The following FBLN1 variants were observed in gnomAD, a reference collection of about 807,000 sequenced individuals.
FBLN1 encodes fibulin-1.
FBLN1 carries 34 observed loss-of-function variants against 89.7 expected under a neutral mutation model. The ratio of observed to expected loss-of-function variants is 0.38; its 90% CI spans 0.29 to 0.50. The LOEUF is 0.50. Ranked by LOEUF, FBLN1 falls within the 20% of genes least tolerant of loss-of-function variation. The pLI is 0.92. For missense variants in FBLN1, 777 were observed against 988.1 expected (o/e 0.79, Z 2.86); for synonymous variants, 393 against 391.3 (o/e 1.00, Z -0.05).
rs115448846 is a variant in FBLN1 at position 45,558,033 on chromosome 22, T to A, written c.1697+7418T>A. The A allele has an allele frequency of 4.3e-3, 3,056 of 715,522 alleles. 12 individuals carry two copies. The highest frequency in any genetic ancestry group is 6.8e-3 in the Non-Finnish European group (2,616 of 384,470). The allele number at this position is 715,522 out of a possible 1,614,324, so 44.3% of individuals were successfully genotyped here. ...GGTGCCTGCATATCGTGCAGAATGA[T>A]CTGTGAACCAGGCCCTAGTCTTCTC... On this transcript the variant is annotated intron_variant, in intron 14 of 16. Coordinates refer to ENST00000327858, the MANE Select transcript of FBLN1 (RefSeq NM_006486.3).
Position 45,577,466 on chromosome 22 carries a change from A to C in FBLN1, c.1972+358A>C, listed in dbSNP as rs2089007582. Reference sequence around the variant, plus strand: ...AAGTGCTTGTCCTGAGGGCTGGCACAGTCCCGCGGTCGGTGGGAGCTAAGG... The same window carrying C: ...AAGTGCTTGTCCTGAGGGCTGGCACCGTCCCGCGGTCGGTGGGAGCTAAGG... On this transcript the variant is annotated intron_variant, in intron 16 of 16. Transcript: ENST00000327858. The surrounding 1 kb of genome is among the most constrained non-coding windows in gnomAD (Gnocchi z 6.6). Among the ~76,000 whole-genome samples, 1 of 152,234 alleles carries C rather than the reference A, an allele frequency of 6.6e-6. No individual in the cohort carries two copies.
At chr22:45,517,732 GT>G (rs1269190627) in intron 1 of FBLN1, 1 of 429,256 alleles carries the variant, frequency 2.3e-6, no homozygotes, top group African/African-American at 2.1e-5. Context: ...ACCAGCCTCG[GT>G]TTCCTCAATC....
At position 45,600,178 on chromosome 22, in the gene FBLN1, G is replaced by A. The variant is rs758292501; in HGVS notation, c.1973-129G>A. The stretch of plus-strand genomic sequence containing the variant: ...TATTCAGGGGACTCGAGCATCTGGC[G>A]TAGGATGGGACTCCATGAGGTCTAT... On this transcript the variant is annotated intron_variant, in intron 16 of 16. Coordinates refer to ENST00000327858, the MANE Select transcript of FBLN1 (RefSeq NM_006486.3). 54 of 1,089,846 alleles carry A rather than the reference G, an allele frequency of 5.0e-5. 1 individual carries two copies. Among genetic ancestry groups the A allele is most frequent in the South Asian group, 2.3e-4 (18 of 78,510 alleles). 67.5% of individuals were successfully genotyped at this position (1,089,846 alleles called of 1,614,324 possible).
At position 45,506,627 on chromosome 22, in the gene FBLN1, G is replaced by T. The variant is rs562428738; in HGVS notation, c.79+3563G>T. Reference sequence around the variant, plus strand: ...GGGCTGGGAGGATGGGGGAAAGGGTGTTCCTGGCAGGGGAAATGGCAGGGC... The same window carrying T: ...GGGCTGGGAGGATGGGGGAAAGGGTTTTCCTGGCAGGGGAAATGGCAGGGC... On this transcript the variant is annotated intron_variant, in intron 1 of 16. Transcript: ENST00000327858. Among the ~76,000 whole-genome samples the T allele has an allele frequency of 2.0e-5, 3 of 152,326 alleles. No homozygotes were observed. In the East Asian group the frequency reaches 5.8e-4, roughly 29 times the overall value.
In FBLN1 at chr22:45,575,623, A is replaced by AGC. The variant is rs2088990562; in HGVS notation, c.1840+970_1840+971insGC. Among the ~76,000 whole-genome samples, 3 of 152,234 alleles carry AGC rather than the reference A, an allele frequency of 2.0e-5. No homozygotes were observed. The South Asian group carries it at 6.2e-4, about 32-fold the overall frequency. On this transcript the variant is annotated intron_variant, in intron 15 of 16. Coordinates refer to ENST00000327858, the MANE Select transcript of FBLN1 (RefSeq NM_006486.3). This position sits in a 1 kb window ranked among gnomAD's most constrained non-coding sequence, Gnocchi z 6.3. ...GACGGGGAGCAGGAAGCTCAGGTGTAACCCAGTCAGTGCTCCCACACCCCA... is the reference window on the plus strand; with the variant it reads ...GACGGGGAGCAGGAAGCTCAGGTGTAGCACCCAGTCAGTGCTCCCACACCCCA...
chr22:45,533,284 C>A, intron 6 of FBLN1, 120 bp downstream of exon 6: 2 of 907,466 alleles, frequency 2.2e-6, no homozygotes. Context: ...GGGTGGAGAG[C>A]AGCCCAGGAC....
chr22:45,546,004 C>T (rs536256321), intron 11 of FBLN1, among the ~76,000 whole-genome samples: 16 of 151,938 alleles, frequency 1.1e-4, no homozygotes, highest in African/African-American at 1.9e-4. Context: ...AAAAATTAGC[C>T]GGGCATGGTG....
Position 45,533,036 on chromosome 22 carries a change from C to G in FBLN1, c.545-27C>G. 3 of 1,601,926 alleles carry G rather than the reference C, an allele frequency of 1.9e-6. No homozygotes were observed. In the South Asian group the frequency reaches 3.3e-5, roughly 18 times the overall value. On this transcript the variant is annotated intron_variant, in intron 5 of 16. Coordinates refer to ENST00000327858, the MANE Select transcript of FBLN1 (RefSeq NM_006486.3). Reference sequence around the variant, plus strand: ...CAGGCGGTGCCTGGGTGCGTCCATCCCTGGCTCATGCACGCTGTGCTTCCA... The same window carrying G: ...CAGGCGGTGCCTGGGTGCGTCCATCGCTGGCTCATGCACGCTGTGCTTCCA...
At chr22:45,540,720 G>A (rs755409044) in intron 8 of FBLN1, among the ~76,000 whole-genome samples, 8 of 152,274 alleles carry the variant, frequency 5.3e-5, no homozygotes, top group Admixed American at 3.9e-4. Context: ...AATGCCCCAC[G>A]GTCCCCATGT....
At chr22:45,593,166 C>G (rs371634421) in intron 16 of FBLN1, among the ~76,000 whole-genome samples, 1 of 145,680 alleles carries the variant, frequency 6.9e-6, no homozygotes, top group Non-Finnish European at 1.5e-5. Context: ...ACCCCCCCCA[C>G]CCCCCGCCAC....
At position 45,545,093 on chromosome 22, in the gene FBLN1, GGA is replaced by G. The variant is rs2088609556; in HGVS notation, c.1321+1568_1321+1569del. Among the ~76,000 whole-genome samples, 1 of 152,204 alleles carries G rather than the reference GGA, an allele frequency of 6.6e-6. No individual in the cohort carries two copies. Among genetic ancestry groups the G allele is most frequent in the African/African-American group, 2.4e-5 (1 of 41,446 alleles). ...TCCTGATGAGATGGTCGCAGGGGTT[GGA>G]TATGCCACAGTGAGCTGTGGTGTGC... On this transcript the variant is annotated intron_variant, in intron 11 of 16. Transcript: ENST00000327858. This position sits in a 1 kb window ranked among gnomAD's most constrained non-coding sequence, Gnocchi z 5.9.
At chr22:45,589,237 A>G (rs1248140518) in intron 16 of FBLN1, among the ~76,000 whole-genome samples, 1 of 152,062 alleles carries the variant, frequency 6.6e-6, no homozygotes, top group African/African-American at 2.4e-5. Flanking sequence ...AGGAGCTTCC[A>G]GGCTCAGGTG....
intron 14 of FBLN1, among the ~76,000 whole-genome samples, chr22:45,555,148 G>A (rs9614706): frequency 4.4e-5 from 6 of 135,228 alleles, no homozygotes; most frequent in South Asian, 2.3e-4. Context: ...GGACCCGTCC[G>A]TGTCTCCACC....
rs1487976581 is a variant in FBLN1 at position 45,549,086 on chromosome 22, A to C, written c.1573+342A>C. ...GGAAGATGCCCGCCAGGGAGGAAGC[A>C]GTCCAGGCCAGGGGATGGCGTGGCC... On this transcript the variant is annotated intron_variant, in intron 13 of 16. Coordinates refer to ENST00000327858, the MANE Select transcript of FBLN1 (RefSeq NM_006486.3). The surrounding 1 kb of genome is among the most constrained non-coding windows in gnomAD (Gnocchi z 5.7). 6.6e-6 allele frequency among the ~76,000 whole-genome samples: 1 copy of C among 152,196 alleles called. No individual in the cohort carries two copies. The highest frequency in any genetic ancestry group is 1.5e-5 in the Non-Finnish European group (1 of 68,032).
rs569470950 is a variant in FBLN1, at chr22:45,549,677, T to A, written c.1574-815T>A. On this transcript the variant is annotated intron_variant, in intron 13 of 16. Transcript: ENST00000327858. This position sits in a 1 kb window ranked among gnomAD's most constrained non-coding sequence, Gnocchi z 5.7. ...GGGCCTTTGAGGCTGGGGAGTGTTG[T>A]TTTTGCCACCGATGCTCAGGCATTT... Among the ~76,000 whole-genome samples, 29 of 152,264 alleles carry A rather than the reference T, an allele frequency of 1.9e-4. No homozygotes were observed. The highest frequency in any genetic ancestry group is 7.0e-4 in the African/African-American group (29 of 41,550).
rs879213611 is a variant in FBLN1 at position 45,600,832 on chromosome 22, C to CTT, written c.*400_*401dup. On this transcript the variant is annotated 3_prime_UTR_variant, in exon 17 of 17. Coordinates refer to ENST00000327858, the MANE Select transcript of FBLN1 (RefSeq NM_006486.3). ...TTGTATGAAATTTGACATTTTGGCA[C>CTT]TTTTTTTTTTTTTTTGGCCAATCAG... The CTT allele has an allele frequency of 2.7e-3, 671 of 253,140 alleles. No homozygotes were observed. The highest frequency in any genetic ancestry group is 5.1e-3 in the South Asian group (120 of 23,648). 15.7% of individuals were successfully genotyped at this position (253,140 alleles called of 1,614,324 possible).
At chr22:45,589,093 TA>T (rs2089113661) in intron 16 of FBLN1, among the ~76,000 whole-genome samples, 2 of 146,188 alleles carry the variant, frequency 1.4e-5, no homozygotes, top group Non-Finnish European at 3.0e-5. Flanking sequence ...TTTTTATATA[TA>T]TAAAAAATAT....
chr22:45,538,516 AG>A (rs1022719588), intron 8 of FBLN1, among the ~76,000 whole-genome samples: 6 of 152,082 alleles, frequency 3.9e-5, no homozygotes, highest in Admixed American at 3.9e-4. Context: ...CCCACTTGAC[AG>A]GGTATTTAGA....
At chr22:45,544,988 C>T (rs565417766) in intron 11 of FBLN1, among the ~76,000 whole-genome samples, 2 of 152,322 alleles carry the variant, frequency 1.3e-5, no homozygotes, top group South Asian at 2.1e-4. Context: ...TGTTTGGTGC[C>T]GTGCACTGGC....
Sources: allele counts gnomAD v4.1 joint callset (sites outside exome capture counted in the v4.1 genomes callset), GRCh38; gene constraint gnomAD v4.1.1; non-coding constraint Gnocchi (gnomAD v3.1); transcripts MANE v1.5; gene names NCBI Gene and HGNC (gene_info 2026-07-23, HGNC 2026-07-21).